Variants in RBFOX1 observed in about 807,000 individuals in gnomAD.
The protein encoded by RBFOX1 is RNA binding fox-1 homolog 1.
A neutral mutation model predicts 57.7 loss-of-function variants in RBFOX1; 8 were observed. That is an observed-to-expected ratio of 0.14 (90% CI 0.08 to 0.25). RBFOX1 has a LOEUF of 0.25. Ranked by LOEUF, RBFOX1 falls within the 10% of genes least tolerant of loss-of-function variation. RBFOX1 has a pLI of 1.00. For synonymous variants in RBFOX1, 326 were observed against 222.4 expected (o/e 1.47, Z -4.15); for missense variants, 611 against 548.5 (o/e 1.11, Z -1.14).
intron 3 of RBFOX1, among the ~76,000 whole-genome samples, chr16:6,887,703 C>T (rs1187978798): frequency 6.6e-6 from 1 of 151,522 alleles, no homozygotes; most frequent in Non-Finnish European, 1.5e-5. Flanking sequence ...CACTCTGTCA[C>T]CCAGGTTGGA....
intron 3 of RBFOX1, among the ~76,000 whole-genome samples, chr16:6,913,659 C>T (rs1170662868): frequency 1.3e-5 from 2 of 152,188 alleles, no homozygotes; most frequent in African/African-American, 4.8e-5. Flanking sequence ...AAGTTGGTCT[C>T]CTAGAAGCCC....
intron 3 of RBFOX1, among the ~76,000 whole-genome samples, chr16:6,726,197 A>T (rs1308147335): frequency 1.3e-5 from 2 of 152,192 alleles, no homozygotes; most frequent in Middle Eastern, 3.4e-3. Flanking sequence ...GCAAGATCTC[A>T]CCCGTTTGCT....
At chr16:5,815,736 C>T (rs1030060252) in intron 3 of RBFOX1, among the ~76,000 whole-genome samples, 1 of 152,166 alleles carries the variant, frequency 6.6e-6, no homozygotes, top group Non-Finnish European at 1.5e-5. Context: ...CAATACAATG[C>T]ACTTTAATAA....
chr16:5,871,760 G>C (rs1226668102), intron 4 of RBFOX1, among the ~76,000 whole-genome samples: 5 of 152,170 alleles, frequency 3.3e-5, no homozygotes, highest in Non-Finnish European at 7.4e-5. Context: ...TCACTTACCA[G>C]TTGGTTTCTT....
At chr16:6,816,909 T>G (rs747366837) in intron 3 of RBFOX1, among the ~76,000 whole-genome samples, 10 of 151,418 alleles carry the variant, frequency 6.6e-5, no homozygotes, top group Admixed American at 2.0e-4. Context: ...CATGCCTAGC[T>G]GTTTTTTTTG....
chr16:7,598,662 G>A (rs903523845), intron 9 of RBFOX1, among the ~76,000 whole-genome samples: 4 of 152,068 alleles, frequency 2.6e-5, no homozygotes, highest in African/African-American at 9.7e-5. Flanking sequence ...TGTAGTAGGT[G>A]TTCATTTATA....
intron 4 of RBFOX1, among the ~76,000 whole-genome samples, chr16:7,144,476 T>TG (rs1264847214): frequency 2.2e-5 from 3 of 136,282 alleles, no homozygotes; most frequent in African/African-American, 8.1e-5. Flanking sequence ...TGGAGTGCAG[T>TG]GGTGGCACAC....
chr16:5,573,689 C>T (rs1464606576), intron 2 of RBFOX1, among the ~76,000 whole-genome samples: 1 of 152,190 alleles, frequency 6.6e-6, no homozygotes, highest in Non-Finnish European at 1.5e-5. Flanking sequence ...CGGCTGGACG[C>T]AGTGGCTCAC....
intron 4 of RBFOX1, among the ~76,000 whole-genome samples, chr16:7,357,827 T>G (rs2097247402): frequency 6.6e-6 from 1 of 152,248 alleles, no homozygotes; most frequent in Admixed American, 6.5e-5. Flanking sequence ...CCTTACTTTG[T>G]TACTCTCCTC....
At chr16:7,612,659 G>A (rs1028225548) in intron 10 of RBFOX1, among the ~76,000 whole-genome samples, 7 of 152,014 alleles carry the variant, frequency 4.6e-5, no homozygotes, top group African/African-American at 1.4e-4. Context: ...AGATAATCAC[G>A]ATATCCAGCC....
At chr16:7,185,883 C>G (rs1602223144) in intron 4 of RBFOX1, among the ~76,000 whole-genome samples, 2 of 152,218 alleles carry the variant, frequency 1.3e-5, no homozygotes, top group Admixed American at 1.3e-4. Flanking sequence ...ACAACAAACC[C>G]AACCCATTCT....
intron 3 of RBFOX1, among the ~76,000 whole-genome samples, chr16:5,700,186 T>C (rs984066225): frequency 6.6e-6 from 1 of 152,254 alleles, no homozygotes; most frequent in Non-Finnish European, 1.5e-5. Context: ...GAAATAGTTA[T>C]TTGAAGTCAG....
intron 3 of RBFOX1, among the ~76,000 whole-genome samples, chr16:5,846,300 G>GAGGAGA: frequency 6.6e-6 from 1 of 152,130 alleles, no homozygotes; most frequent in Non-Finnish European, 1.5e-5. Flanking sequence ...AGAAAAGGAG[G>GAGGAGA]AGGAGAAGAG....
chr16:7,660,843 C>A (rs538225052), intron 12 of RBFOX1, among the ~76,000 whole-genome samples: 1 of 152,198 alleles, frequency 6.6e-6, no homozygotes, highest in Non-Finnish European at 1.5e-5. Flanking sequence ...TCAAGTTTGA[C>A]CACCACTGCC....
chr16:5,816,271 C>G (rs1332817154), intron 3 of RBFOX1, among the ~76,000 whole-genome samples: 1 of 152,166 alleles, frequency 6.6e-6, no homozygotes, highest in African/African-American at 2.4e-5. Flanking sequence ...TTCCTTCAAG[C>G]TCTCTTCCTC....
At chr16:5,655,272 T>C (rs570321086) in intron 3 of RBFOX1, among the ~76,000 whole-genome samples, 4 of 152,350 alleles carry the variant, frequency 2.6e-5, no homozygotes, top group South Asian at 2.1e-4. Context: ...AAACATGTTC[T>C]ATGATTTTTT....
At chr16:7,499,773 G>C (rs998982931) in intron 4 of RBFOX1, among the ~76,000 whole-genome samples, 4 of 151,760 alleles carry the variant, frequency 2.6e-5, no homozygotes, top group African/African-American at 9.7e-5. Flanking sequence ...ATTTAATGTC[G>C]ATCAGCCTCA....
chr16:6,735,154 A>AACAAC (rs1350433122), intron 3 of RBFOX1, among the ~76,000 whole-genome samples: 5 of 149,426 alleles, frequency 3.3e-5, no homozygotes, highest in South Asian at 4.2e-4. Flanking sequence ...GTCTCAACAA[A>AACAAC]AACAACAACA....
intron 4 of RBFOX1, among the ~76,000 whole-genome samples, chr16:7,253,607 T>C (rs2094568446): frequency 6.6e-6 from 1 of 152,174 alleles, no homozygotes; most frequent in South Asian, 2.1e-4. Flanking sequence ...TCCAGCCTCT[T>C]TTCCTTTTTC....
Sources: allele counts gnomAD v4.1 joint callset (sites outside exome capture counted in the v4.1 genomes callset), GRCh38; gene constraint gnomAD v4.1.1; transcripts MANE v1.5; gene names NCBI Gene and HGNC (gene_info 2026-07-23, HGNC 2026-07-21).